KIF2A: variants seen among roughly 807,000 people sequenced by gnomAD.
The protein encoded by KIF2A is kinesin family member 2A, also known as kinesin-like protein KIF2A.
A neutral mutation model predicts 100.2 loss-of-function variants in KIF2A; 22 were observed. That is an observed-to-expected ratio of 0.22 (90% confidence interval 0.16 to 0.31). The LOEUF (loss-of-function observed/expected upper bound fraction) is 0.31. Among genes scored for constraint, KIF2A ranks in the 10% least tolerant of loss-of-function variants. The probability of loss-of-function intolerance (pLI) is 1.00; values close to 1 mark genes in which losing one functional copy is unlikely to be tolerated. For missense variants in KIF2A, 495 were observed against 898.7 expected (o/e 0.55, Z 5.74); for synonymous variants, 268 against 285.9 (o/e 0.94, Z 0.63).
chr5:62,316,937 A>G (rs1745844491), intron 1 of KIF2A, among the ~76,000 whole-genome samples: 1 of 152,240 alleles, frequency 6.6e-6, no homozygotes, highest in African/African-American at 2.4e-5. Context: ...AATTAAGGTA[A>G]AATTTTGCCA....
chr5:62,331,748 TTAGAAA>T (rs947757584), intron 1 of KIF2A, among the ~76,000 whole-genome samples: 6 of 124,730 alleles, frequency 4.8e-5, no homozygotes, highest in South Asian at 2.8e-4. Context: ...ATTAGGGTAG[TTAGAAA>T]TAGAAACGAA....
intron 1 of KIF2A, among the ~76,000 whole-genome samples, chr5:62,338,125 A>G (rs1747072916): frequency 1.3e-5 from 2 of 152,186 alleles, no homozygotes; most frequent in African/African-American, 4.8e-5. Flanking sequence ...TAGTTCAGGG[A>G]TAAATAAACT....
chr5:62,361,615 C>T lies in KIF2A; in HGVS notation c.1027+86C>T, dbSNP rs1327542122. 4 of 763,528 alleles carry T rather than the reference C, an allele frequency of 5.2e-6. No homozygotes were observed. The Admixed American group carries it at 6.4e-5, about 12-fold the overall frequency. The allele number at this position is 763,528 out of a possible 1,614,324, so 47.3% of individuals were successfully genotyped here. ...TGAAATAAGGCTTTAAAATATTGTTCAGCAACTATAATGCTATATTAACTG... is the reference window on the plus strand; with the variant it reads ...TGAAATAAGGCTTTAAAATATTGTTTAGCAACTATAATGCTATATTAACTG... On this transcript the variant is annotated intron_variant, in intron 11 of 20. Coordinates refer to ENST00000407818, the MANE Select transcript of KIF2A (RefSeq NM_001098511.3).
At chr5:62,319,506 T>G (rs1745997397) in intron 1 of KIF2A, among the ~76,000 whole-genome samples, 2 of 152,236 alleles carry the variant, frequency 1.3e-5, no homozygotes, top group African/African-American at 4.8e-5. Flanking sequence ...GGTCCCCTGC[T>G]TTATGAGTGG....
At position 62,385,975 on chromosome 5, in the gene KIF2A, A is replaced by C. The variant is rs1742006668; in HGVS notation, c.*406A>C. 2 of 178,438 alleles carry C rather than the reference A, an allele frequency of 1.1e-5. No homozygotes were observed. Among genetic ancestry groups the C allele is most frequent in the Non-Finnish European group, 2.4e-5 (2 of 83,612 alleles). The allele number at this position is 178,438 out of a possible 1,614,324, so 11.1% of individuals were successfully genotyped here. On this transcript the variant is annotated 3_prime_UTR_variant, in exon 21 of 21. Transcript: ENST00000407818. ...TTTTAAATCCTTTGCGTGCATGCAT[A>C]CCTCATCAGTGATTGTACATACCTT...
intron 1 of KIF2A, among the ~76,000 whole-genome samples, chr5:62,339,122 G>T (rs1278726829): frequency 6.6e-6 from 1 of 152,180 alleles, no homozygotes; most frequent in African/African-American, 2.4e-5. Context: ...TGGCTTGCAG[G>T]TCTGCAGGCT....
chr5:62,316,025 A>G (rs1034117879), intron 1 of KIF2A, among the ~76,000 whole-genome samples: 8 of 152,226 alleles, frequency 5.3e-5, no homozygotes, highest in Admixed American at 5.2e-4. Flanking sequence ...GTTTTATTTA[A>G]TCAGGCTAAC....
At chr5:62,373,611 A>G (rs907755754) in intron 17 of KIF2A, 76 bp from the exon 18 acceptor site, 13 of 1,025,970 alleles carry the variant, frequency 1.3e-5, no homozygotes, top group African/African-American at 3.2e-5. Context: ...AATTGCGTGT[A>G]TATTGAATAG....
chr5:62,372,519 T>G lies in KIF2A; in HGVS notation c.1728T>G (p.Tyr576Ter). The part of the protein sequence containing the change: ...SGSRPDLSPS[Y>*]EYDDFSPSVT... ...GTCGCCCTGATCTCTCTCCTTCTTA[T>G]GAATATGACGACTTTTCTCCTTCAG... Residue 576 changes from tyrosine to a stop codon, truncating the protein, a stop_gained, in exon 17 of 21, where the codon TAT becomes TAG. Coordinates refer to ENST00000407818, the MANE Select transcript of KIF2A (RefSeq NM_001098511.3). LOFTEE classifies it high-confidence loss of function. 1 of 1,610,798 alleles carries G rather than the reference T, an allele frequency of 6.2e-7. No individual in the cohort carries two copies. The highest frequency in any genetic ancestry group is 8.5e-7 in the Non-Finnish European group (1 of 1,177,288).
Position 62,306,394 on chromosome 5 carries a change from A to AC in KIF2A, c.-77dup. The AC allele has an allele frequency of 8.0e-5, 42 of 524,604 alleles. No homozygotes were observed. Among genetic ancestry groups the AC allele is most frequent in the Middle Eastern group, 4.3e-4 (1 of 2,300 alleles). The allele number at this position is 524,604 out of a possible 1,614,324, so 32.5% of individuals were successfully genotyped here. On this transcript the variant is annotated 5_prime_UTR_variant, in exon 1 of 21. Transcript: ENST00000407818. ...CGCGGGCAACCGCTCCCCCTCCCAC[A>AC]CCTACCCCGCCCCCTCCCCGCCTTT...
rs1742049448 is a variant in KIF2A at position 62,386,781 on chromosome 5, C to T, written c.*1212C>T. Among the ~76,000 whole-genome samples, 1 of 152,192 alleles carries T rather than the reference C, an allele frequency of 6.6e-6. No homozygotes were observed. The highest frequency in any genetic ancestry group is 2.1e-4 in the South Asian group (1 of 4,834). The stretch of plus-strand genomic sequence containing the variant: ...ACTAATACATTGGTATGGTGTAGGG[C>T]ATGCTACTTTTTAAACAGCAGCACT... On this transcript the variant is annotated 3_prime_UTR_variant, in exon 21 of 21. Coordinates refer to ENST00000407818, the MANE Select transcript of KIF2A (RefSeq NM_001098511.3).
chr5:62,315,249 C>CAAAAAAAAAAAAAAAAAAAAAAAAA, intron 1 of KIF2A, among the ~76,000 whole-genome samples: 1 of 66,542 alleles, frequency 1.5e-5, no homozygotes, highest in Non-Finnish European at 2.9e-5. Context: ...AAAAACAGAC[C>CAAAAAAAAAAAAAAAAAAAAAAAAA]AAAAAAAAAA....
intron 16 of KIF2A, among the ~76,000 whole-genome samples, chr5:62,367,840 C>A (rs1480182627): frequency 2.0e-5 from 3 of 151,940 alleles, no homozygotes; most frequent in African/African-American, 7.3e-5. Context: ...TGTTAAATTT[C>A]TCTTCTCAAA....
In KIF2A at chr5:62,381,224, A is replaced by C; in HGVS notation, c.2120A>C (p.Gln707Pro). 6.2e-7 allele frequency: 1 copy of C among 1,612,266 alleles called. No individual in the cohort carries two copies. Among genetic ancestry groups the C allele is most frequent in the Non-Finnish European group, 8.5e-7 (1 of 1,178,496 alleles). ...ACACAACTTGAAGCTATTCTTGAGC[A>C]AAAAATAGACATTTTAACTGAACTG... ...YATQLEAILE[Q>P]KIDILTELRD... The change falls in exon 20 of 21, where the codon CAA (glutamine) becomes CCA (proline). Residue 707 changes from glutamine to proline, a missense_variant. Around this residue, in one of 10 missense-constraint regions of KIF2A, gnomAD observed 58 missense variants for 94.8 expected, o/e 0.61. Coordinates refer to ENST00000407818, the MANE Select transcript of KIF2A (RefSeq NM_001098511.3).
intron 19 of KIF2A, 145 bp downstream of exon 19, chr5:62,377,907 A>G: frequency 2.3e-6 from 1 of 437,644 alleles, no homozygotes; most frequent in Non-Finnish European, 4.1e-6. Context: ...TGACATGGCA[A>G]ATTTTTAATA....
In KIF2A at chr5:62,306,345, C is replaced by G; in HGVS notation, c.-128C>G. On this transcript the variant is annotated 5_prime_UTR_variant, in exon 1 of 21. Coordinates refer to ENST00000407818, the MANE Select transcript of KIF2A (RefSeq NM_001098511.3). ...CTCCTTGCGGCCCCGCTTGCGTTCA[C>G]GCTGTCGCCCGGGCCGGCGCGGCCG... is the stretch of plus-strand genomic sequence containing the variant. 1 of 740,194 alleles carries G rather than the reference C, an allele frequency of 1.4e-6. No homozygotes were observed. The allele number at this position is 740,194 out of a possible 1,614,324, so 45.9% of individuals were successfully genotyped here.
chr5:62,367,884 T>A (rs1741150001), intron 16 of KIF2A, among the ~76,000 whole-genome samples: 1 of 152,236 alleles, frequency 6.6e-6, no homozygotes, highest in Admixed American at 6.5e-5. Context: ...AGAGACAAAA[T>A]TCCTCTTTGT....
At chr5:62,336,614 A>G (rs1414287097) in intron 1 of KIF2A, among the ~76,000 whole-genome samples, 1 of 152,236 alleles carries the variant, frequency 6.6e-6, no homozygotes, top group Non-Finnish European at 1.5e-5. Context: ...AACTACATGT[A>G]AAAACTTGTA....
chr5:62,313,592 G>C (rs889775534), intron 1 of KIF2A, among the ~76,000 whole-genome samples: 2 of 151,690 alleles, frequency 1.3e-5, no homozygotes, highest in Admixed American at 1.3e-4. Flanking sequence ...TGAGCTCGTG[G>C]TCCACCCACC....
Sources: gnomAD v4.1 joint callset for allele counts (sites outside exome capture counted in the v4.1 genomes callset) on GRCh38, gnomAD v4.1.1 for gene constraint, gnomAD v4.1.1 regional missense constraint, MANE v1.5 for transcripts, NCBI Gene and HGNC (gene_info 2026-07-23, HGNC 2026-07-21) for gene names.